The following ZNF544 variants were observed in gnomAD, a reference collection of about 807,000 sequenced individuals.
The protein encoded by ZNF544 is zinc finger protein 544, also known as zinc finger protein AF020591.
In ZNF544, 10 loss-of-function variants were observed where a neutral mutation model predicts 13.5. The observed-to-expected ratio is 0.74, with a 90% CI of 0.46 to 1.25. The LOEUF is 1.25. Among genes scored for constraint, ZNF544 ranks in the 50% most tolerant of loss-of-function variants. The probability of loss-of-function intolerance (pLI) is 0.00; values close to 1 mark genes in which losing one functional copy is unlikely to be tolerated. For missense variants in ZNF544, 896 were observed against 845.6 expected (o/e 1.06, Z -0.74); for synonymous variants, 323 against 300.5 (o/e 1.07, Z -0.77).
chr19:58,238,865 TAAA>T (rs112124516), intron 3 of ZNF544, among the ~76,000 whole-genome samples: 3 of 132,442 alleles, frequency 2.3e-5, no homozygotes, highest in Non-Finnish European at 4.9e-5. Flanking sequence ...TAAGTCACGG[TAAA>T]AAAAAAAAAA....
At chr19:58,269,467 C>G (rs902057789) in intron 5 of ZNF544, among the ~76,000 whole-genome samples, 2 of 144,986 alleles carry the variant, frequency 1.4e-5, no homozygotes, top group African/African-American at 5.2e-5. Context: ...ATGTCAGGGT[C>G]GGGCATGGTG....
chr19:58,237,293 G>A (rs976536340), intron 3 of ZNF544, among the ~76,000 whole-genome samples: 13 of 152,014 alleles, frequency 8.6e-5, no homozygotes, highest in African/African-American at 2.7e-4. Context: ...TGATCTCCTC[G>A]GCTCAAGCAG....
At chr19:58,273,273 G>T (rs377402704) in intron 5 of ZNF544, among the ~76,000 whole-genome samples, 3 of 151,998 alleles carry the variant, frequency 2.0e-5, no homozygotes, top group East Asian at 1.9e-4. Context: ...AATAATTGTG[G>T]GTATTTTAGA....
In ZNF544 at chr19:58,263,011, C is replaced by T. The variant is rs552135185; in HGVS notation, c.*257C>T. 4.1e-6 allele frequency: 5 copies of T among 1,222,608 alleles called. No homozygotes were observed. Among genetic ancestry groups the T allele is most frequent in the Non-Finnish European group, 5.1e-6 (5 of 976,168 alleles). 75.7% of individuals were successfully genotyped at this position (1,222,608 alleles called of 1,614,324 possible). On this transcript the variant is annotated 3_prime_UTR_variant, in exon 7 of 7. Transcript: ENST00000687789. Reference sequence around the variant, plus strand: ...GCAAACCCTATGAATGTGACCATTGCGAGAAAGCCTTTAGCCAACGGTGTC... The same window carrying T: ...GCAAACCCTATGAATGTGACCATTGTGAGAAAGCCTTTAGCCAACGGTGTC...
At position 58,261,724 on chromosome 19, in the gene ZNF544, C is replaced by A; in HGVS notation, c.1118C>A (p.Thr373Lys). ...FSCCKLIHQR[T>K]HTGEKPFECT... is the part of the protein sequence containing the mutation. ...TGTTGTAAGCTCATACACCAGAGAACACACACTGGAGAAAAGCCCTTCGAA... is the reference window on the plus strand; with the variant it reads ...TGTTGTAAGCTCATACACCAGAGAAAACACACTGGAGAAAAGCCCTTCGAA... The change falls in exon 7 of 7, where the codon ACA becomes AAA. Residue 373 changes from threonine (T) to lysine (K), a missense_variant. By Grantham distance (78) the Thr-to-Lys change is moderately conservative. Transcript: ENST00000687789. The A allele has an allele frequency of 6.2e-7, 1 of 1,614,226 alleles. No individual in the cohort carries two copies. Among genetic ancestry groups the A allele is most frequent in the East Asian group, 2.2e-5 (1 of 44,890 alleles).
At chr19:58,276,944 A>G (rs1226127455) in intron 6 of ZNF544, among the ~76,000 whole-genome samples, 2 of 152,222 alleles carry the variant, frequency 1.3e-5, no homozygotes, top group Non-Finnish European at 2.9e-5. Context: ...ACACTAGGTT[A>G]CTTTTCTTGT....
chr19:58,269,832 T>C (rs1478586953), intron 5 of ZNF544, among the ~76,000 whole-genome samples: 1 of 151,314 alleles, frequency 6.6e-6, no homozygotes, highest in Non-Finnish European at 1.5e-5. Flanking sequence ...GACGCAGGAG[T>C]ATCACTTGAA....
At chr19:58,265,057 G>A (rs886631690), downstream of ZNF544, among the ~76,000 whole-genome samples, 4 of 152,122 alleles carry the variant, frequency 2.6e-5, no homozygotes, top group Admixed American at 1.3e-4. Flanking sequence ...TCAGGGATTC[G>A]GTTGTGCTTT....
In ZNF544 at chr19:58,237,123, G is replaced by A. The variant is rs537529824; in HGVS notation, c.-60+6661G>A. Among the ~76,000 whole-genome samples, 253 of 149,278 alleles carry A rather than the reference G, an allele frequency of 1.7e-3. 1 individual carries two copies. Among genetic ancestry groups the A allele is most frequent in the Non-Finnish European group, 3.2e-3 (213 of 67,492 alleles). ...TCTGTCACCCAGGCTGGAGTGCAGC[G>A]GTGTGATCTTGGCTCACTGCAGCGT... is the stretch of plus-strand genomic sequence containing the variant. On this transcript the variant is annotated intron_variant, in intron 3 of 6. Transcript: ENST00000687789.
chr19:58,247,460 C>T (rs2045486266), intron 6 of ZNF544: 1 of 152,214 alleles, frequency 6.6e-6, no homozygotes. Flanking sequence ...CAGAGTTTCA[C>T]CGTGTTAGCC....
downstream of ZNF544, among the ~76,000 whole-genome samples, chr19:58,267,435 T>C (rs969018987): frequency 4.6e-5 from 7 of 151,116 alleles, no homozygotes; most frequent in African/African-American, 1.5e-4. Flanking sequence ...GTGTGGTGGC[T>C]CATGCCTGTA....
Position 58,262,855 on chromosome 19 carries a change from A to G in ZNF544, c.*101A>G. 1.3e-6 allele frequency: 2 copies of G among 1,500,740 alleles called. No individual in the cohort carries two copies. Among genetic ancestry groups the G allele is most frequent in the South Asian group, 1.4e-5 (1 of 73,414 alleles). 93.0% of individuals were successfully genotyped at this position (1,500,740 alleles called of 1,614,324 possible). A position where few individuals can be genotyped will look rare whatever the true frequency, so the allele number is the denominator to read the frequency against. ...AAGAGCTATCAGTGTGACGTGTATT[A>G]AGCCAGCGGTTGTGACTCATTGAAC... On this transcript the variant is annotated 3_prime_UTR_variant, in exon 7 of 7. Transcript: ENST00000687789.
intron 6 of ZNF544, among the ~76,000 whole-genome samples, chr19:58,256,476 TA>T: frequency 6.6e-6 from 1 of 152,144 alleles, no homozygotes; most frequent in African/African-American, 2.4e-5. Flanking sequence ...TCAAATGCAA[TA>T]AGTCTACAGA....
chr19:58,245,870 G>T (rs554627624), intron 4 of ZNF544: 1 of 192,498 alleles, frequency 5.2e-6, no homozygotes, highest in Non-Finnish European at 1.1e-5. Context: ...CTGGCAAGAG[G>T]TGAGATGCCC....
At chr19:58,251,310 A>G (rs755197940) in intron 6 of ZNF544, 7 of 518,922 alleles carry the variant, frequency 1.3e-5, no homozygotes, top group African/African-American at 1.2e-4. Context: ...TTAAACAGGT[A>G]CTTCAGGTCT....
At chr19:58,268,838 G>A (rs1054421773), downstream of ZNF544, among the ~76,000 whole-genome samples, 8 of 152,200 alleles carry the variant, frequency 5.3e-5, no homozygotes, top group African/African-American at 1.7e-4. Flanking sequence ...AACGTACTAC[G>A]TGCCTGTGAG....
intron 5 of ZNF544, among the ~76,000 whole-genome samples, chr19:58,272,500 G>A (rs947128169): frequency 1.3e-5 from 2 of 151,852 alleles, no homozygotes; most frequent in African/African-American, 4.8e-5. Flanking sequence ...AGGCTGCAGT[G>A]AGCTGAGATT....
chr19:58,252,044 C>T (rs149842247), intron 6 of ZNF544, among the ~76,000 whole-genome samples: 1,625 of 152,246 alleles, frequency 0.011, 81 homozygotes, highest in Admixed American at 0.074. Flanking sequence ...TGGTAGGGTA[C>T]ACTTCAACCC....
At chr19:58,244,334 A>G (rs1568467972) in intron 4 of ZNF544, among the ~76,000 whole-genome samples, 1 of 151,760 alleles carries the variant, frequency 6.6e-6, no homozygotes, top group Admixed American at 6.6e-5. Context: ...GTTGCTCCTC[A>G]GGCCCTTGAG....
Sources: allele counts gnomAD v4.1 joint callset (sites outside exome capture counted in the v4.1 genomes callset), GRCh38; gene constraint gnomAD v4.1.1; transcripts MANE v1.5; gene names NCBI Gene and HGNC (gene_info 2026-07-23, HGNC 2026-07-21).